The following N4BP1 variants were observed in gnomAD, a reference collection of about 807,000 sequenced individuals.
N4BP1 encodes NEDD4 binding protein 1.
N4BP1 carries 21 observed loss-of-function variants against 70.9 expected under a neutral mutation model. The observed-to-expected ratio is 0.30, with a 90% CI of 0.21 to 0.43. The LOEUF (loss-of-function observed/expected upper bound fraction) is 0.43. N4BP1 is among the 20% of genes least tolerant of loss of function. N4BP1 has a pLI of 1.00. For missense variants in N4BP1, 936 were observed against 1,069.4 expected (o/e 0.88, Z 1.74); for synonymous variants, 387 against 394.6 (o/e 0.98, Z 0.23).
intron 1 of N4BP1, among the ~76,000 whole-genome samples, chr16:48,593,735 C>T (rs1316084797): frequency 2.0e-5 from 3 of 152,076 alleles, no homozygotes; most frequent in African/African-American, 4.8e-5. Flanking sequence ...TTAGGCTGGA[C>T]GTGGTGGCTC....
intron 1 of N4BP1, among the ~76,000 whole-genome samples, chr16:48,590,258 T>C (rs947571179): frequency 1.1e-4 from 16 of 152,072 alleles, no homozygotes; most frequent in African/African-American, 3.6e-4. Flanking sequence ...CCCCCATGAT[T>C]CCATCTCCAA....
chr16:48,595,562 T>C (rs1964400559), intron 1 of N4BP1, among the ~76,000 whole-genome samples: 1 of 152,174 alleles, frequency 6.6e-6, no homozygotes, highest in Non-Finnish European at 1.5e-5. Context: ...TGAAGCATAT[T>C]TGTTTCTACC....
intron 1 of N4BP1, chr16:48,600,468 C>A (rs145864370): frequency 1.6e-6 from 1 of 612,004 alleles, no homozygotes; most frequent in South Asian, 1.5e-5. Context: ...CAAACAGAAA[C>A]GCCAAGCTAA....
rs1963453995 is a variant in N4BP1, at chr16:48,539,355, G to GAGCAGGGGCCAGCAA, written c.*3548_*3549insTTGCTGGCCCCTGCT. ...TAGCGGGCAGGGGCCAGCAAAGCACGAGGGCAGAGCAGGGGACCATACGGA... is the reference window on the plus strand; with the variant it reads ...TAGCGGGCAGGGGCCAGCAAAGCACGAGCAGGGGCCAGCAAAGGGCAGAGCAGGGGACCATACGGA... On this transcript the variant is annotated 3_prime_UTR_variant, in exon 7 of 7. Coordinates refer to ENST00000262384, the MANE Select transcript of N4BP1 (RefSeq NM_153029.4). The GAGCAGGGGCCAGCAA allele has an allele frequency of 6.6e-6, 1 of 152,636 alleles. No homozygotes were observed. Among genetic ancestry groups the GAGCAGGGGCCAGCAA allele is most frequent in the African/African-American group, 2.4e-5 (1 of 41,430 alleles). 9.5% of individuals were successfully genotyped at this position (152,636 alleles called of 1,614,324 possible). A position where few individuals can be genotyped will look rare whatever the true frequency, so the allele number is the denominator to read the frequency against.
chr16:48,560,670 T>C (rs1046031187), intron 2 of N4BP1, 84 bp downstream of exon 2: 24 of 1,494,824 alleles, frequency 1.6e-5, no homozygotes, highest in Middle Eastern at 1.8e-4. Context: ...ACAACATGTA[T>C]GTATAGTTCC....
rs139923095 is a variant in N4BP1, at chr16:48,572,071, G to A, written c.199-9627C>T. ...AAAAATTAGCCAGGCATGGTGGCAT[G>A]TGCCTGTAGTCCCAGCCACCCGGAG... On this transcript the variant is annotated intron_variant, in intron 1 of 6. Coordinates refer to ENST00000262384, the MANE Select transcript of N4BP1 (RefSeq NM_153029.4). 2.6e-3 allele frequency among the ~76,000 whole-genome samples: 400 copies of A among 152,160 alleles called. 1 individual carries two copies. Among genetic ancestry groups the A allele is most frequent in the African/African-American group, 9.3e-3 (388 of 41,524 alleles).
chr16:48,581,512 C>T (rs552197838), intron 1 of N4BP1, among the ~76,000 whole-genome samples: 49 of 152,110 alleles, frequency 3.2e-4, no homozygotes, highest in African/African-American at 1.2e-3. Flanking sequence ...TAACAGTCCA[C>T]CAAAAAAACC....
intron 1 of N4BP1, among the ~76,000 whole-genome samples, chr16:48,573,584 C>G (rs891625261): frequency 1.3e-5 from 2 of 152,064 alleles, no homozygotes; most frequent in African/African-American, 2.4e-5. Flanking sequence ...CAGAGTGAGA[C>G]TTTGTCTCAA....
Position 48,609,884 on chromosome 16 carries a change from A to G in N4BP1, c.89T>C (p.Leu30Pro). ...LEQSRGRIEG[L>P]FGVSLAVLGA... ...GAGCACGGCTAGGCTCACGCCAAACAGGCCCTCGATACGGCCGCGGCTCTG... is the reference window on the plus strand; with the variant it reads ...GAGCACGGCTAGGCTCACGCCAAACGGGCCCTCGATACGGCCGCGGCTCTG... Residue 30 changes from leucine to proline, a missense_variant, in exon 1 of 7, where the codon CTG becomes CCG. Physicochemically the swap from Leu to Pro is moderately conservative, Grantham distance 98 (BLOSUM62 -3). Coordinates refer to ENST00000262384, the MANE Select transcript of N4BP1 (RefSeq NM_153029.4). 6.8e-7 allele frequency: 1 copy of G among 1,480,248 alleles called. No homozygotes were observed. Among genetic ancestry groups the G allele is most frequent in the Non-Finnish European group, 8.9e-7 (1 of 1,117,998 alleles). The allele number at this position is 1,480,248 out of a possible 1,614,324, so 91.7% of individuals were successfully genotyped here.
chr16:48,582,966 G>C (rs1964195298), intron 1 of N4BP1, among the ~76,000 whole-genome samples: 1 of 152,080 alleles, frequency 6.6e-6, no homozygotes, highest in East Asian at 1.9e-4. Context: ...CTCGCCTGTG[G>C]TCCCATCTAC....
At position 48,568,912 on chromosome 16, in the gene N4BP1, C is replaced by T. The variant is rs1963978362; in HGVS notation, c.199-6468G>A. The stretch of plus-strand genomic sequence containing the variant: ...GTTGTGTTCCGTGAGCTTCTTGAAT[C>T]ATCATGTTTATATCTTTTGCCAAAC... On this transcript the variant is annotated intron_variant, in intron 1 of 6. Transcript: ENST00000262384. Among the ~76,000 whole-genome samples the T allele has an allele frequency of 3.3e-5, 5 of 152,224 alleles. 1 individual carries two copies. Among genetic ancestry groups the T allele is most frequent in the Admixed American group, 3.3e-4 (5 of 15,280 alleles).
At chr16:48,563,980 G>C (rs1002693028) in intron 1 of N4BP1, among the ~76,000 whole-genome samples, 8 of 152,112 alleles carry the variant, frequency 5.3e-5, no homozygotes, top group Admixed American at 6.6e-5. Flanking sequence ...CAGTGATATG[G>C]AACACTAGAA....
In N4BP1 at chr16:48,561,990, T is replaced by A; in HGVS notation, c.653A>T (p.Asn218Ile). The A allele has an allele frequency of 1.2e-6, 2 of 1,613,898 alleles. No individual in the cohort carries two copies. Among genetic ancestry groups the A allele is most frequent in the Non-Finnish European group, 1.7e-6 (2 of 1,179,872 alleles). The change falls in exon 2 of 7, where the codon AAT becomes ATT. Residue 218 changes from asparagine (N) to isoleucine (I), a missense_variant. Around this residue, in one of 4 missense-constraint regions of N4BP1, gnomAD observed 515 missense variants for 491.7 expected, o/e 1.05. Coordinates refer to ENST00000262384, the MANE Select transcript of N4BP1 (RefSeq NM_153029.4). The stretch of plus-strand genomic sequence containing the variant: ...AGAAATATTCAGCCCTGTGGCAGCA[T>A]TCTGTGTAAACTCTGTTTGTTGAGA... ...RDSQQTEFTQ[N>I]AATGLNISRD...
intron 1 of N4BP1, among the ~76,000 whole-genome samples, chr16:48,570,458 T>TG (rs1964000379): frequency 6.6e-6 from 1 of 152,160 alleles, no homozygotes; most frequent in African/African-American, 2.4e-5. Flanking sequence ...AAAATTCTCA[T>TG]GCCACAGCCT....
chr16:48,560,523 C>T (rs1963838437), intron 2 of N4BP1: 1 of 496,022 alleles, frequency 2.0e-6, no homozygotes, highest in Non-Finnish European at 3.5e-6. Context: ...TTTCTATCCT[C>T]TCTTGCCCTT....
chr16:48,588,837 C>G (rs747123849), intron 1 of N4BP1, among the ~76,000 whole-genome samples: 1 of 152,078 alleles, frequency 6.6e-6, no homozygotes, highest in African/African-American at 2.4e-5. Context: ...TTTGTATATA[C>G]AACCCCTGAG....
chr16:48,554,200 GCAA>G (rs372760970), intron 2 of N4BP1, among the ~76,000 whole-genome samples: 4,211 of 151,714 alleles, frequency 0.028, 83 homozygotes, highest in Non-Finnish European at 0.043. Context: ...TAAAAGAACA[GCAA>G]CAACAACAAC....
chr16:48,549,182 CA>C (rs1963630855), intron 4 of N4BP1, among the ~76,000 whole-genome samples: 1 of 152,160 alleles, frequency 6.6e-6, no homozygotes, highest in South Asian at 2.1e-4. Context: ...CTTTTACTAG[CA>C]GTGATGAGTA....
intron 1 of N4BP1, among the ~76,000 whole-genome samples, chr16:48,607,382 G>C (rs1249297074): frequency 1.3e-5 from 2 of 152,216 alleles, no homozygotes; most frequent in Non-Finnish European, 2.9e-5. Flanking sequence ...GATTTAAGCT[G>C]AAAGGTGCTA....
Sources: gnomAD v4.1 joint callset for allele counts (sites outside exome capture counted in the v4.1 genomes callset) on GRCh38, gnomAD v4.1.1 for gene constraint, gnomAD v4.1.1 regional missense constraint, MANE v1.5 for transcripts, NCBI Gene and HGNC (gene_info 2026-07-23, HGNC 2026-07-21) for gene names.